TRIML1: variants seen among roughly 807,000 people sequenced by gnomAD.
TRIML1 encodes tripartite motif family like 1.
Under a neutral mutation model 32.3 loss-of-function variants are expected in TRIML1, and 34 were observed. The ratio of observed to expected loss-of-function variants is 1.05; its 90% CI spans 0.80 to 1.40. The LOEUF (loss-of-function observed/expected upper bound fraction) is 1.40, where lower values mean the gene tolerates loss of function less well. Ranked by LOEUF, TRIML1 falls within the 40% of genes most tolerant of loss-of-function variation. The pLI, the probability that TRIML1 is intolerant of heterozygous loss-of-function variation, is 0.00. For synonymous variants in TRIML1, 244 were observed against 226.6 expected (o/e 1.08, Z -0.69); for missense variants, 595 against 574.9 (o/e 1.03, Z -0.36).
chr4:188,143,053 A>C (rs1579166015), intron 3 of TRIML1: 1 of 130,382 alleles, frequency 7.7e-6, no homozygotes. Flanking sequence ...TGCATTCTTC[A>C]GGACCTTTTT....
At chr4:188,140,075 G>A in intron 1 of TRIML1, 109 bp downstream of exon 1, 6 of 1,148,766 alleles carry the variant, frequency 5.2e-6, no homozygotes, top group Non-Finnish European at 7.3e-6. Flanking sequence ...GGGCCCATCT[G>A]AGCACCACAT....
At position 188,141,359 on chromosome 4, in the gene TRIML1, T is replaced by G. The variant is rs533723409; in HGVS notation, c.504+736T>G. Among the ~76,000 whole-genome samples the G allele has an allele frequency of 3.2e-3, 481 of 151,542 alleles. 1 individual carries two copies. The highest frequency in any genetic ancestry group is 5.9e-3 in the Non-Finnish European group (398 of 67,918). On this transcript the variant is annotated intron_variant, in intron 2 of 5. Coordinates refer to ENST00000332517, the MANE Select transcript of TRIML1 (RefSeq NM_178556.5). ...ATTTTGTATATTTGTGGAGATGGGG[T>G]TTTACCATGTTAGCCAGGCTGATCT... is the stretch of plus-strand genomic sequence containing the variant.
intron 3 of TRIML1, 148 bp from the exon 4 acceptor site, chr4:188,143,690 C>T (rs1292730202): frequency 2.2e-6 from 2 of 890,486 alleles, no homozygotes; most frequent in East Asian, 2.4e-5. Context: ...AAACTGGGGA[C>T]GCTTTTCTCT....
chr4:188,150,052 C>A (rs1359295909), downstream of TRIML1, among the ~76,000 whole-genome samples: 1 of 152,132 alleles, frequency 6.6e-6, no homozygotes, highest in Non-Finnish European at 1.5e-5. Flanking sequence ...GATCCGCCCA[C>A]CTCAGCCTCC....
downstream of TRIML1, among the ~76,000 whole-genome samples, chr4:188,149,931 T>C (rs1323519690): frequency 6.6e-6 from 1 of 151,722 alleles, no homozygotes; most frequent in East Asian, 1.9e-4. Context: ...GCCTCCCGAG[T>C]AGCTGGGACT....
intron 5 of TRIML1, among the ~76,000 whole-genome samples, chr4:188,144,661 C>T (rs1337949163): frequency 6.6e-6 from 1 of 152,098 alleles, no homozygotes; most frequent in Non-Finnish European, 1.5e-5. Flanking sequence ...TGCGCCCAGC[C>T]AATCCTAGTC....
At position 188,143,600 on chromosome 4, in the gene TRIML1, T is replaced by C. The variant is rs538903511; in HGVS notation, c.736-238T>C. 1.5e-4 allele frequency: 84 copies of C among 559,126 alleles called. 1 individual carries two copies. Among genetic ancestry groups the C allele is most frequent in the South Asian group, 1.3e-3 (62 of 49,314 alleles). The allele number at this position is 559,126 out of a possible 1,614,324, so 34.6% of individuals were successfully genotyped here. On this transcript the variant is annotated intron_variant, in intron 3 of 5. Coordinates refer to ENST00000332517, the MANE Select transcript of TRIML1 (RefSeq NM_178556.5). ...ACAGGTTCCCTGGACAAGGTGATGA[T>C]ACGAGAAAAAGAAAAGGACAAAGTA...
intron 5 of TRIML1, among the ~76,000 whole-genome samples, chr4:188,146,193 GAAC>G (rs74856079): frequency 0.13 from 20,131 of 152,052 alleles, 1,558 homozygotes; most frequent in South Asian, 0.32. Context: ...AATATGATGC[GAAC>G]AACCAAGGGT....
chr4:188,148,975 G>A (rs1257217804), downstream of TRIML1, among the ~76,000 whole-genome samples: 4 of 141,932 alleles, frequency 2.8e-5, no homozygotes, highest in African/African-American at 5.2e-5. Flanking sequence ...GTGCAGTGGC[G>A]CGATCTCAGC....
chr4:188,150,706 C>A (rs964426226), downstream of TRIML1, among the ~76,000 whole-genome samples: 1 of 151,642 alleles, frequency 6.6e-6, no homozygotes, highest in Non-Finnish European at 1.5e-5. Context: ...TTTCCTTTGG[C>A]AAAATCATCC....
chr4:188,149,700 C>T (rs904247782), downstream of TRIML1, among the ~76,000 whole-genome samples: 3 of 152,130 alleles, frequency 2.0e-5, no homozygotes, highest in South Asian at 2.1e-4. Context: ...GCATTTAATT[C>T]CCACCTTGAC....
chr4:188,138,646 G>A (rs187427142), upstream of TRIML1, among the ~76,000 whole-genome samples: 1 of 152,218 alleles, frequency 6.6e-6, no homozygotes, highest in East Asian at 1.9e-4. Flanking sequence ...CTTCATTTCT[G>A]TCCAGTAAGA....
chr4:188,143,306 G>A (rs1734934696), intron 3 of TRIML1: 1 of 157,168 alleles, frequency 6.4e-6, no homozygotes, highest in South Asian at 1.9e-4. Flanking sequence ...CATCCACCTT[G>A]GCCTCCCAAA....
In TRIML1 at chr4:188,139,822, C is replaced by T. The variant is rs536583213; in HGVS notation, c.264C>T (p.Ser88=). Residue 88 remains serine, a synonymous_variant, in exon 1 of 6, where the codon AGC becomes AGT. Coordinates refer to ENST00000332517, the MANE Select transcript of TRIML1 (RefSeq NM_178556.5). ...AGCTCCGGTCCCAGGTGCTGCAGAG[C>T]GAGGATGAGCAGGGCAGCTACGGGA... ...ARQLRSQVLQ[S]EDEQGSYGRM... is the part of the protein sequence containing the mutation. 1.9e-5 allele frequency: 30 copies of T among 1,613,928 alleles called. No homozygotes were observed. In the Middle Eastern group the frequency reaches 4.9e-4, roughly 27 times the overall value.
At position 188,147,460 on chromosome 4, in the gene TRIML1, C is replaced by T; in HGVS notation, c.*88C>T. 1 of 1,217,400 alleles carries T rather than the reference C, an allele frequency of 8.2e-7. No individual in the cohort carries two copies. The highest frequency in any genetic ancestry group is 1.1e-6 in the Non-Finnish European group (1 of 935,668). The allele number at this position is 1,217,400 out of a possible 1,614,324, so 75.4% of individuals were successfully genotyped here. A position where few individuals can be genotyped will look rare whatever the true frequency, so the allele number is the denominator to read the frequency against. On this transcript the variant is annotated 3_prime_UTR_variant, in exon 6 of 6. Coordinates refer to ENST00000332517, the MANE Select transcript of TRIML1 (RefSeq NM_178556.5). ...ATGAAGGCATCGACAGTATTAATGT[C>T]AGGTGATCTGAAATAAACTCCCGTA...
chr4:188,150,016 G>A (rs1447791344), downstream of TRIML1, among the ~76,000 whole-genome samples: 2 of 152,050 alleles, frequency 1.3e-5, no homozygotes, highest in Non-Finnish European at 1.5e-5. Flanking sequence ...ATGTTGGCCA[G>A]GATGGTCTTG....
At position 188,146,955 on chromosome 4, in the gene TRIML1, G is replaced by C. The variant is rs201363267; in HGVS notation, c.990G>C (p.Val330=). The change falls in exon 6 of 6, where the codon GTG becomes GTC. Residue 330 remains valine, a synonymous_variant. Transcript: ENST00000332517. ...NPERFDQSAT[V]LGTQIFTSGR... ...AAAGATTTGACCAGTCTGCGACTGT[G>C]CTGGGTACTCAGATCTTCACCAGTG... 6.5e-7 allele frequency: 1 copy of C among 1,544,276 alleles called. No homozygotes were observed. Among genetic ancestry groups the C allele is most frequent in the African/African-American group, 1.4e-5 (1 of 72,756 alleles).
rs1386701275 is a variant in TRIML1, at chr4:188,147,084, G to A, written c.1119G>A (p.Gly373=). The A allele has an allele frequency of 3.1e-6, 5 of 1,613,908 alleles. No individual in the cohort carries two copies. Among genetic ancestry groups the A allele is most frequent in the Non-Finnish European group, 3.4e-6 (4 of 1,179,990 alleles). The change falls in exon 6 of 6, where the codon GGG becomes GGA. Residue 373 remains glycine (G), a synonymous_variant. Transcript: ENST00000332517. ...AGGGGAATCTCCCCAAGCCACCTGG[G>A]GACCTGTTCTCACTAATAGGTTTAA... ...SRKGNLPKPP[G]DLFSLIGLKI...
Position 188,147,683 on chromosome 4 carries a change from G to T in TRIML1, c.*311G>T. On this transcript the variant is annotated 3_prime_UTR_variant, in exon 6 of 6. Transcript: ENST00000332517. Reference sequence around the variant, plus strand: ...ATTACCATGAATCCTACTGCCATAGGCCAGATTTTATAAATATATGTCACT... The same window carrying T: ...ATTACCATGAATCCTACTGCCATAGTCCAGATTTTATAAATATATGTCACT... The T allele has an allele frequency of 3.9e-6, 1 of 259,402 alleles. No individual in the cohort carries two copies. The allele number at this position is 259,402 out of a possible 1,614,324, so 16.1% of individuals were successfully genotyped here.
Sources: gnomAD v4.1 joint callset for allele counts (sites outside exome capture counted in the v4.1 genomes callset) on GRCh38, gnomAD v4.1.1 for gene constraint, MANE v1.5 for transcripts, NCBI Gene and HGNC (gene_info 2026-07-23, HGNC 2026-07-21) for gene names.